The following LHFPL2 variants were observed in gnomAD, a reference collection of about 807,000 sequenced individuals.
LHFPL2 encodes LHFPL tetraspan subfamily member 2 protein.
In LHFPL2, 7 loss-of-function variants were observed where a neutral mutation model predicts 17.5. The ratio of observed to expected loss-of-function variants is 0.40; its 90% confidence interval spans 0.23 to 0.75. LHFPL2 has a LOEUF of 0.75. Ranked by LOEUF, LHFPL2 falls within the 30% of genes least tolerant of loss-of-function variation. The pLI is 0.37. For missense variants in LHFPL2, 241 were observed against 294.8 expected (o/e 0.82, Z 1.34); for synonymous variants, 134 against 116.2 (o/e 1.15, Z -0.99).
intron 2 of LHFPL2, among the ~76,000 whole-genome samples, chr5:78,586,066 C>A (rs1171610733): frequency 2.6e-5 from 4 of 152,214 alleles, no homozygotes; most frequent in Non-Finnish European, 4.4e-5. Flanking sequence ...AGTTCAAATT[C>A]TTGGGTTTAA....
chr5:78,583,483 G>GA (rs1165818178), intron 2 of LHFPL2, among the ~76,000 whole-genome samples: 1 of 148,842 alleles, frequency 6.7e-6, no homozygotes, highest in African/African-American at 2.5e-5. Flanking sequence ...GCCTGGTGGT[G>GA]ACAAAATCTC....
intron 2 of LHFPL2, among the ~76,000 whole-genome samples, chr5:78,611,258 C>A (rs938686884): frequency 6.6e-6 from 1 of 152,186 alleles, no homozygotes; most frequent in Non-Finnish European, 1.5e-5. Context: ...AACTGTGGCC[C>A]AACTGCAGGG....
intron 4 of LHFPL2, among the ~76,000 whole-genome samples, chr5:78,501,234 A>G (rs938401753): frequency 6.6e-6 from 1 of 152,246 alleles, no homozygotes; most frequent in African/African-American, 2.4e-5. Context: ...TCATAAAAGA[A>G]TATTTTAATA....
chr5:78,543,680 G>A (rs903568386), intron 3 of LHFPL2, among the ~76,000 whole-genome samples: 1 of 152,164 alleles, frequency 6.6e-6, no homozygotes, highest in East Asian at 1.9e-4. Context: ...GAAATCCCCA[G>A]GATACAGGGG....
intron 1 of LHFPL2, chr5:78,644,557 G>C: frequency 1.9e-6 from 1 of 527,254 alleles, no homozygotes; most frequent in Non-Finnish European, 3.5e-6. Context: ...GGCCAGAGGA[G>C]GCCTCTTGGG....
chr5:78,573,639 C>T (rs1408239062), intron 2 of LHFPL2, among the ~76,000 whole-genome samples: 2 of 152,180 alleles, frequency 1.3e-5, no homozygotes, highest in Non-Finnish European at 2.9e-5. Context: ...TCCTGCACAG[C>T]CTGTCTCTGC....
chr5:78,636,184 T>C (rs992756317), intron 1 of LHFPL2, among the ~76,000 whole-genome samples: 1 of 152,202 alleles, frequency 6.6e-6, no homozygotes, highest in Non-Finnish European at 1.5e-5. Context: ...CACTCCACCC[T>C]ATCAGAATCC....
intron 1 of LHFPL2, among the ~76,000 whole-genome samples, chr5:78,640,117 G>C (rs1373919026): frequency 6.6e-6 from 1 of 152,130 alleles, no homozygotes; most frequent in South Asian, 2.1e-4. Flanking sequence ...CCGGGCATGT[G>C]GGGAGCTTGT....
intron 3 of LHFPL2, among the ~76,000 whole-genome samples, chr5:78,564,430 CG>C (rs1420812845): frequency 6.6e-6 from 1 of 152,076 alleles, no homozygotes; most frequent in East Asian, 1.9e-4. Context: ...TATTTTTAAT[CG>C]GCTATCTCTA....
chr5:78,489,137 G>C lies in LHFPL2; in HGVS notation c.447C>G (p.Leu149=). 5 of 1,614,156 alleles carry C rather than the reference G, an allele frequency of 3.1e-6. No individual in the cohort carries two copies. Among genetic ancestry groups the C allele is most frequent in the Non-Finnish European group, 4.2e-6 (5 of 1,180,010 alleles). The change falls in exon 5 of 5, where the codon CTC becomes CTG. Residue 149 remains leucine (L), a synonymous_variant. Transcript: ENST00000380345. The part of the protein sequence containing the change: ...LQGIAGLFLI[L]GLILYPAGWG... ...AGCCAGCAGGGTAGAGTATCAAACCGAGGATAAGGAATAGACCTGCAGAAC... is the reference window on the plus strand; with the variant it reads ...AGCCAGCAGGGTAGAGTATCAAACCCAGGATAAGGAATAGACCTGCAGAAC...
intron 2 of LHFPL2, among the ~76,000 whole-genome samples, chr5:78,593,234 C>T (rs1580841497): frequency 6.6e-6 from 1 of 152,120 alleles, no homozygotes; most frequent in African/African-American, 2.4e-5. Context: ...ATCAGACACT[C>T]CTGATTCACT....
At chr5:78,634,363 G>C (rs1306740782) in intron 1 of LHFPL2, among the ~76,000 whole-genome samples, 1 of 152,194 alleles carries the variant, frequency 6.6e-6, no homozygotes, top group Non-Finnish European at 1.5e-5. Flanking sequence ...GTGGTATGGG[G>C]GCAGTGAGGA....
chr5:78,627,523 C>A (rs1308599751), intron 2 of LHFPL2, among the ~76,000 whole-genome samples: 2 of 152,198 alleles, frequency 1.3e-5, no homozygotes, highest in African/African-American at 2.4e-5. Context: ...TCCTCCTCAT[C>A]CTTTTTCCTC....
chr5:78,532,133 A>G (rs1037547451), intron 3 of LHFPL2, among the ~76,000 whole-genome samples: 6 of 152,150 alleles, frequency 3.9e-5, no homozygotes, highest in African/African-American at 1.4e-4. Context: ...CATGTTGGCC[A>G]GGCTGGTCTC....
intron 1 of LHFPL2, among the ~76,000 whole-genome samples, chr5:78,647,053 C>T (rs1745911741): frequency 6.6e-6 from 1 of 152,090 alleles, no homozygotes; most frequent in African/African-American, 2.4e-5. Context: ...CATGTGACCA[C>T]TTAGAGAAAA....
At chr5:78,583,377 T>C (rs1301471369) in intron 2 of LHFPL2, among the ~76,000 whole-genome samples, 1 of 152,018 alleles carries the variant, frequency 6.6e-6, no homozygotes, top group Non-Finnish European at 1.5e-5. Flanking sequence ...CTTCCTAGTC[T>C]CGATGGTCTT....
At chr5:78,615,998 C>G (rs1031931235) in intron 2 of LHFPL2, among the ~76,000 whole-genome samples, 23 of 152,044 alleles carry the variant, frequency 1.5e-4, no homozygotes, top group African/African-American at 5.1e-4. Flanking sequence ...GTTGCACTCT[C>G]TTCTGCAACT....
intron 2 of LHFPL2, among the ~76,000 whole-genome samples, chr5:78,618,553 T>C (rs1225377101): frequency 1.3e-5 from 2 of 152,212 alleles, no homozygotes; most frequent in African/African-American, 4.8e-5. Flanking sequence ...CCTGCCATGA[T>C]GGCCTTAGGG....
intron 4 of LHFPL2, among the ~76,000 whole-genome samples, chr5:78,499,299 G>A (rs571358798): frequency 3.9e-5 from 6 of 152,356 alleles, no homozygotes; most frequent in African/African-American, 1.4e-4. Context: ...AACAATGGGA[G>A]CATTTCATGC....
Sources: allele counts gnomAD v4.1 joint callset (sites outside exome capture counted in the v4.1 genomes callset), GRCh38; gene constraint gnomAD v4.1.1; transcripts MANE v1.5; gene names NCBI Gene and HGNC (gene_info 2026-07-23, HGNC 2026-07-21).